COL5A2: variants seen among roughly 807,000 people sequenced by gnomAD.
The protein encoded by COL5A2 is collagen type V alpha 2 chain.
COL5A2 carries 23 observed loss-of-function variants against 208.2 expected under a neutral mutation model. The ratio of observed to expected loss-of-function variants is 0.11; its 90% CI spans 0.08 to 0.16. The LOEUF is 0.16. COL5A2 is among the 10% of genes least tolerant of loss of function. The pLI is 1.00. For synonymous variants in COL5A2, 625 were observed against 628.5 expected (o/e 0.99, Z 0.08); for missense variants, 1,590 against 1,956.4 (o/e 0.81, Z 3.53).
At chr2:189,079,398 G>A (rs564829103) in intron 14 of COL5A2, among the ~76,000 whole-genome samples, 1 of 152,188 alleles carries the variant, frequency 6.6e-6, no homozygotes, top group East Asian at 1.9e-4. Flanking sequence ...TGTCTGATAC[G>A]TCTCAAGTAA....
chr2:189,351,620 G>A, the COL5A2 span, among the ~76,000 whole-genome samples: 2 of 152,078 alleles, frequency 1.3e-5, no homozygotes, highest in African/African-American at 4.8e-5. Flanking sequence ...ATTTTAATTT[G>A]CTGCTATGTG....
At chr2:189,324,407 A>G in the COL5A2 span, among the ~76,000 whole-genome samples, 3 of 152,160 alleles carry the variant, frequency 2.0e-5, no homozygotes, top group African/African-American at 7.2e-5. Context: ...AATTTTTGCA[A>G]TCTACTCATC....
At chr2:189,355,823 T>C in the COL5A2 span, among the ~76,000 whole-genome samples, 4 of 152,226 alleles carry the variant, frequency 2.6e-5, no homozygotes, top group African/African-American at 9.6e-5. Flanking sequence ...GTCATTATGA[T>C]GCTAGCTGGT....
chr2:189,435,025 G>A, the COL5A2 span, among the ~76,000 whole-genome samples: 1 of 152,160 alleles, frequency 6.6e-6, no homozygotes, highest in South Asian at 2.1e-4. Flanking sequence ...AACACCACAT[G>A]TCTACAACCA....
At chr2:189,038,215 T>C (rs1329656183) in intron 51 of COL5A2, among the ~76,000 whole-genome samples, 2 of 152,158 alleles carry the variant, frequency 1.3e-5, no homozygotes, top group African/African-American at 4.8e-5. Flanking sequence ...GCCTGCAGTG[T>C]TTATGGTTTC....
At chr2:189,103,360 T>C (rs1288436334) in intron 3 of COL5A2, among the ~76,000 whole-genome samples, 1 of 152,086 alleles carries the variant, frequency 6.6e-6, no homozygotes, top group African/African-American at 2.4e-5. Context: ...CTCCCCTTGA[T>C]AGCATCACTC....
chr2:189,230,448 TATATAAAGGATTAC>T, the COL5A2 span, among the ~76,000 whole-genome samples: 3 of 151,816 alleles, frequency 2.0e-5, no homozygotes, highest in African/African-American at 7.2e-5. Context: ...ATACCCAAAA[TATATAAAGGATTAC>T]ATATAAAGGA....
At chr2:189,324,927 A>G in the COL5A2 span, among the ~76,000 whole-genome samples, 1 of 152,200 alleles carries the variant, frequency 6.6e-6, no homozygotes, top group Non-Finnish European at 1.5e-5. Context: ...CAAATGTCCA[A>G]CAATGATAGA....
chr2:189,245,320 T>C, the COL5A2 span, among the ~76,000 whole-genome samples: 1 of 152,122 alleles, frequency 6.6e-6, no homozygotes, highest in Admixed American at 6.5e-5. Flanking sequence ...TTTTACCCAC[T>C]CCAGGCACAG....
intron 1 of COL5A2, among the ~76,000 whole-genome samples, chr2:189,191,163 C>CAAAAAAAAAAAAAA (rs1553526772): frequency 1.4e-5 from 1 of 72,270 alleles, no homozygotes; most frequent in East Asian, 5.9e-4. Context: ...AAAAAACAAA[C>CAAAAAAAAAAAAAA]AAACAACAAA....
chr2:189,308,081 C>G, the COL5A2 span, among the ~76,000 whole-genome samples: 1 of 152,100 alleles, frequency 6.6e-6, no homozygotes, highest in Admixed American at 6.6e-5. Context: ...GATCAGGACC[C>G]CTTTCCTGTA....
chr2:189,208,561 G>A (rs1410565984), intron 1 of COL5A2, among the ~76,000 whole-genome samples: 1 of 152,208 alleles, frequency 6.6e-6, no homozygotes, highest in Non-Finnish European at 1.5e-5. Context: ...AGAAGGGACT[G>A]GAAGTTAGGA....
the COL5A2 span, among the ~76,000 whole-genome samples, chr2:189,424,249 A>G: frequency 6.6e-6 from 1 of 152,136 alleles, no homozygotes; most frequent in South Asian, 2.1e-4. Flanking sequence ...GAAAAATTAA[A>G]CCTTTTCTTT....
chr2:189,215,691 A>G (rs1369150967), intron 1 of COL5A2, among the ~76,000 whole-genome samples: 1 of 152,148 alleles, frequency 6.6e-6, no homozygotes, highest in Non-Finnish European at 1.5e-5. Flanking sequence ...TTAAATTCAT[A>G]TCTATTTAAA....
the COL5A2 span, among the ~76,000 whole-genome samples, chr2:189,230,479 T>C: frequency 6.6e-6 from 1 of 151,760 alleles, no homozygotes; most frequent in Non-Finnish European, 1.5e-5. Flanking sequence ...AGGATTCCTA[T>C]AGCTCAACAG....
chr2:189,043,996 T>C (rs1685612995), intron 47 of COL5A2, among the ~76,000 whole-genome samples: 1 of 152,170 alleles, frequency 6.6e-6, no homozygotes, highest in Admixed American at 6.6e-5. Context: ...TTTGTTATTG[T>C]TGGTGGTGGT....
At chr2:189,053,155 GA>G (rs1258917128) in intron 38 of COL5A2, 137 bp from the exon 39 acceptor site, 15 of 798,248 alleles carry the variant, frequency 1.9e-5, no homozygotes, top group Admixed American at 2.8e-5. Flanking sequence ...CATACTAAAG[GA>G]AAAAAAGTAC....
chr2:189,306,627 A>G, the COL5A2 span, among the ~76,000 whole-genome samples: 2 of 152,226 alleles, frequency 1.3e-5, no homozygotes, highest in East Asian at 3.8e-4. Flanking sequence ...CACAGATTCT[A>G]TTAATGTTAG....
At chr2:189,334,881 C>A in the COL5A2 span, among the ~76,000 whole-genome samples, 3 of 151,858 alleles carry the variant, frequency 2.0e-5, no homozygotes, top group African/African-American at 4.8e-5. Flanking sequence ...AATATATATA[C>A]CTACCAATAG....
Sources: allele counts gnomAD v4.1 joint callset (sites outside exome capture counted in the v4.1 genomes callset), GRCh38; gene constraint gnomAD v4.1.1; transcripts MANE v1.5; gene names NCBI Gene and HGNC (gene_info 2026-07-23, HGNC 2026-07-21).